The following ARID5B variants were observed in gnomAD, a reference collection of about 807,000 sequenced individuals.
ARID5B encodes AT-rich interaction domain 5B.
ARID5B carries 13 observed loss-of-function variants against 97.2 expected under a neutral mutation model. The observed-to-expected ratio is 0.13, with a 90% CI of 0.09 to 0.21. ARID5B has a LOEUF of 0.21. ARID5B is among the 10% of genes least tolerant of loss of function. The pLI is 1.00. For synonymous variants in ARID5B, 556 were observed against 570.3 expected, an observed-to-expected ratio of 0.97 and a Z score of 0.36; for missense variants, 1,210 against 1,465.3, an observed-to-expected ratio of 0.83 and a Z score of 2.84.
chr10:61,903,353 G>A (rs1843651074), intron 2 of ARID5B, among the ~76,000 whole-genome samples: 1 of 152,220 alleles, frequency 6.6e-6, no homozygotes, highest in South Asian at 2.1e-4. Flanking sequence ...CCGGAGGTGA[G>A]CCCGCTGTCA....
intron 3 of ARID5B, among the ~76,000 whole-genome samples, chr10:61,977,649 A>G (rs147395706): frequency 0.045 from 6,907 of 152,306 alleles, 242 homozygotes; most frequent in East Asian, 0.16. Context: ...GGCTGTACAA[A>G]TGTCTTCTTT....
At chr10:61,976,413 G>A (rs1838699077) in intron 3 of ARID5B, among the ~76,000 whole-genome samples, 2 of 152,196 alleles carry the variant, frequency 1.3e-5, no homozygotes, top group Admixed American at 1.3e-4. Flanking sequence ...GTAAAGTGGG[G>A]TATTTCATAG....
At chr10:61,948,280 T>C (rs1293392285) in intron 3 of ARID5B, among the ~76,000 whole-genome samples, 1 of 152,144 alleles carries the variant, frequency 6.6e-6, no homozygotes, top group East Asian at 1.9e-4. Flanking sequence ...CTCTTTTTCC[T>C]TCTAACAGTC....
At chr10:61,946,227 T>C (rs1844496447) in intron 3 of ARID5B, among the ~76,000 whole-genome samples, 1 of 152,082 alleles carries the variant, frequency 6.6e-6, no homozygotes, top group South Asian at 2.1e-4. Flanking sequence ...AGGCCTCGTA[T>C]TGCAAATGGT....
intron 3 of ARID5B, among the ~76,000 whole-genome samples, chr10:61,957,450 G>C (rs1210264542): frequency 6.6e-6 from 1 of 152,176 alleles, no homozygotes; most frequent in Admixed American, 6.5e-5. Context: ...TGTATATTTA[G>C]TAGAGACAGG....
At chr10:62,056,169 GT>G (rs2132938244) in intron 5 of ARID5B, among the ~76,000 whole-genome samples, 1 of 152,302 alleles carries the variant, frequency 6.6e-6, no homozygotes, top group African/African-American at 2.4e-5. Context: ...GGAAAGTTAG[GT>G]TAGCCGCTCG....
In ARID5B at chr10:62,091,758, G is replaced by C. The variant is rs1318622103; in HGVS notation, c.2295G>C (p.Glu765Asp). ...GTTTCAGAAGCAAGCCCTCGGAAGA[G>C]AGAAAGACCATCAATGACATCTTTA... The part of the protein sequence containing the change: ...VQSFRSKPSE[E>D]RKTINDIFKH... The change falls in exon 10 of 10, where the codon GAG (glutamate) becomes GAC (aspartate). Residue 765 changes from glutamate to aspartate, a missense_variant. Transcript: ENST00000279873. The C allele has an allele frequency of 1.2e-6, 2 of 1,614,056 alleles. No individual in the cohort carries two copies.
intron 4 of ARID5B, among the ~76,000 whole-genome samples, chr10:62,044,573 A>G (rs1295009588): frequency 6.6e-6 from 1 of 151,890 alleles, no homozygotes; most frequent in African/African-American, 2.4e-5. Context: ...GGGTCTCATT[A>G]CATTGCCCAA....
chr10:62,033,796 A>G (rs1439725782), intron 4 of ARID5B, among the ~76,000 whole-genome samples: 3 of 152,242 alleles, frequency 2.0e-5, no homozygotes, highest in African/African-American at 4.8e-5. Flanking sequence ...CTTACCCATC[A>G]TAATCTTTCA....
In ARID5B at chr10:61,922,571, C is replaced by G. The variant is rs190243588; in HGVS notation, c.277-17612C>G. Among the ~76,000 whole-genome samples, 967 of 152,310 alleles carry G rather than the reference C, an allele frequency of 6.3e-3. 10 individuals carry two copies. Among genetic ancestry groups the G allele is most frequent in the African/African-American group, 0.022 (922 of 41,566 alleles). On this transcript the variant is annotated intron_variant, in intron 2 of 9. Coordinates refer to ENST00000279873, the MANE Select transcript of ARID5B (RefSeq NM_032199.3). ...TGAGCCGAGATCATGCCACTGCACTCCAGCCTGGGTGACAGAGTGAGACTC... is the reference window on the plus strand; with the variant it reads ...TGAGCCGAGATCATGCCACTGCACTGCAGCCTGGGTGACAGAGTGAGACTC...
At chr10:61,997,671 A>G (rs956960537) in intron 3 of ARID5B, among the ~76,000 whole-genome samples, 2 of 152,204 alleles carry the variant, frequency 1.3e-5, no homozygotes, top group Admixed American at 6.5e-5. Context: ...GTTAAGTGCT[A>G]TGAGGGGTAG....
chr10:62,036,262 A>C (rs1017594980), intron 4 of ARID5B, among the ~76,000 whole-genome samples: 3 of 152,202 alleles, frequency 2.0e-5, no homozygotes, highest in Non-Finnish European at 1.5e-5. Flanking sequence ...CTGAGGCATG[A>C]GTTACTGCTA....
Position 62,089,323 on chromosome 10 carries a change from T to G in ARID5B, c.1399-1539T>G, listed in dbSNP as rs147430423. Among the ~76,000 whole-genome samples, 404 of 150,564 alleles carry G rather than the reference T, an allele frequency of 2.7e-3. 6 individuals carry two copies. Among genetic ancestry groups the G allele is most frequent in the East Asian group, 8.5e-3 (44 of 5,152 alleles). Reference sequence around the variant, plus strand: ...ATAACATGTCCCTAAAATTCAGGGTTTTTTTTTTAAAGGGATTTAAGGAAA... The same window carrying G: ...ATAACATGTCCCTAAAATTCAGGGTGTTTTTTTTAAAGGGATTTAAGGAAA... On this transcript the variant is annotated intron_variant, in intron 9 of 9. Transcript: ENST00000279873.
chr10:62,007,339 C>CTCAT (rs536843591), intron 4 of ARID5B, among the ~76,000 whole-genome samples: 274 of 152,210 alleles, frequency 1.8e-3, no homozygotes, highest in African/African-American at 4.0e-3. Flanking sequence ...ATGATAGGCT[C>CTCAT]TCATTCATTC....
At chr10:61,915,487 T>G (rs1843885090) in intron 2 of ARID5B, among the ~76,000 whole-genome samples, 1 of 152,164 alleles carries the variant, frequency 6.6e-6, no homozygotes, top group South Asian at 2.1e-4. Context: ...TTGGGAAGTT[T>G]CTAGGCAAGC....
Position 62,051,265 on chromosome 10 carries a change from A to G in ARID5B, c.846+265A>G, listed in dbSNP as rs1275684783. On this transcript the variant is annotated intron_variant, in intron 5 of 9. Coordinates refer to ENST00000279873, the MANE Select transcript of ARID5B (RefSeq NM_032199.3). Reference sequence around the variant, plus strand: ...TTGGCCTGTTATGAGTAAAGGACAGATGATTAAGCACCCACGTCATTGAGG... The same window carrying G: ...TTGGCCTGTTATGAGTAAAGGACAGGTGATTAAGCACCCACGTCATTGAGG... Among the ~76,000 whole-genome samples the G allele has an allele frequency of 4.6e-5, 7 of 152,276 alleles. No individual in the cohort carries two copies. In the East Asian group the frequency reaches 1.2e-3, roughly 25 times the overall value.
Position 62,091,242 on chromosome 10 carries a change from A to G in ARID5B, c.1779A>G (p.Ala593=), listed in dbSNP as rs1840366614. The G allele has an allele frequency of 1.2e-6, 2 of 1,614,110 alleles. No homozygotes were observed. The highest frequency in any genetic ancestry group is 1.7e-6 in the Non-Finnish European group (2 of 1,180,000). The change falls in exon 10 of 10, where the codon GCA becomes GCG. Residue 593 remains alanine (A), a synonymous_variant. Transcript: ENST00000279873. ...GCCCTGAAAGTGAACCCCAAGAAGC[A>G]TCCTTCCCCAGCTTCCCCACCACAC... ...TESPESEPQE[A]SFPSFPTTQP... is the part of the protein sequence containing the mutation.
intron 3 of ARID5B, among the ~76,000 whole-genome samples, chr10:61,992,605 C>CT (rs961606908): frequency 2.0e-5 from 3 of 151,814 alleles, no homozygotes; most frequent in Non-Finnish European, 4.4e-5. Flanking sequence ...CCCACATTTA[C>CT]TTTTTTTTAA....
At chr10:61,918,398 C>G (rs575000507) in intron 2 of ARID5B, among the ~76,000 whole-genome samples, 1 of 152,276 alleles carries the variant, frequency 6.6e-6, no homozygotes, top group Admixed American at 6.5e-5. Flanking sequence ...GCATAGAGCA[C>G]AAAACCATGA....
Sources: allele counts gnomAD v4.1 joint callset (sites outside exome capture counted in the v4.1 genomes callset), GRCh38; gene constraint gnomAD v4.1.1; transcripts MANE v1.5; gene names NCBI Gene and HGNC (gene_info 2026-07-23, HGNC 2026-07-21).